SMC6: variants seen among roughly 807,000 people sequenced by gnomAD.
SMC6 encodes structural maintenance of chromosomes 6.
A neutral mutation model predicts 142.2 loss-of-function variants in SMC6; 79 were observed. The ratio of observed to expected loss-of-function variants is 0.56; its 90% CI spans 0.46 to 0.67. SMC6 has a LOEUF of 0.67. Among genes scored for constraint, SMC6 ranks in the 30% least tolerant of loss-of-function variants. The pLI is 0.00. For synonymous variants in SMC6, 411 were observed against 412.4 expected, an observed-to-expected ratio of 1.00 and a Z score of 0.04; for missense variants, 1,072 against 1,284.0, an observed-to-expected ratio of 0.83 and a Z score of 2.52.
intron 4 of SMC6, among the ~76,000 whole-genome samples, chr2:17,739,299 A>G (rs993015211): frequency 2.6e-5 from 4 of 151,634 alleles, no homozygotes; most frequent in East Asian, 3.9e-4. Context: ...ATCTGAGACC[A>G]GAGAGACCAG....
intron 25 of SMC6, among the ~76,000 whole-genome samples, chr2:17,672,431 A>T (rs1377695780): frequency 6.6e-6 from 1 of 151,964 alleles, no homozygotes; most frequent in East Asian, 1.9e-4. Flanking sequence ...TTTTTTCTCC[A>T]TTTTTTTATT....
intron 25 of SMC6, among the ~76,000 whole-genome samples, chr2:17,671,274 C>A (rs76881636): frequency 6.6e-6 from 1 of 151,876 alleles, no homozygotes; most frequent in Non-Finnish European, 1.5e-5. Flanking sequence ...GATTACTGAA[C>A]GTCAAAAGGA....
At chr2:17,694,395 T>G (rs997668162) in intron 23 of SMC6, among the ~76,000 whole-genome samples, 4 of 152,228 alleles carry the variant, frequency 2.6e-5, no homozygotes, top group African/African-American at 7.2e-5. Flanking sequence ...ATACTCTGAT[T>G]TGATCATTAC....
At chr2:17,701,490 C>T (rs960771444) in intron 20 of SMC6, among the ~76,000 whole-genome samples, 21 of 152,176 alleles carry the variant, frequency 1.4e-4, no homozygotes, top group African/African-American at 4.6e-4. Flanking sequence ...CATATTGATA[C>T]TGCTGAACTC....
intron 24 of SMC6, chr2:17,679,976 C>T (rs77008539): frequency 6.6e-6 from 1 of 152,290 alleles, no homozygotes; most frequent in African/African-American, 2.4e-5. Flanking sequence ...AATTCCCACA[C>T]TAGAAATCAC....
At chr2:17,703,121 A>C (rs773889707) in intron 19 of SMC6, 36 bp downstream of exon 19, 1 of 1,249,848 alleles carries the variant, frequency 8.0e-7, no homozygotes, top group Non-Finnish European at 1.1e-6. Context: ...TAAGTTGAAA[A>C]AAACAAAAGA....
intron 7 of SMC6, among the ~76,000 whole-genome samples, chr2:17,726,741 GA>G (rs1312414547): frequency 6.6e-6 from 1 of 152,150 alleles, no homozygotes; most frequent in East Asian, 1.9e-4. Flanking sequence ...AGAACCCTGT[GA>G]AAAAGTGTTT....
intron 25 of SMC6, among the ~76,000 whole-genome samples, chr2:17,672,647 T>G (rs967394670): frequency 6.6e-6 from 1 of 152,198 alleles, no homozygotes; most frequent in Non-Finnish European, 1.5e-5. Flanking sequence ...GTTTCTGAAC[T>G]TCATATGTAG....
At chr2:17,686,634 GT>G (rs1667467929) in intron 23 of SMC6, among the ~76,000 whole-genome samples, 1 of 152,126 alleles carries the variant, frequency 6.6e-6, no homozygotes, top group African/African-American at 2.4e-5. Flanking sequence ...TATTTATTCA[GT>G]GCCCCCAAGG....
intron 4 of SMC6, chr2:17,740,610 T>C (rs1670392690): frequency 3.0e-6 from 1 of 327,952 alleles, no homozygotes; most frequent in Non-Finnish European, 6.0e-6. Flanking sequence ...ATCCCAGCAC[T>C]CTGCGAAGCC....
chr2:17,748,936 G>C (rs986900321), intron 2 of SMC6, among the ~76,000 whole-genome samples: 9 of 152,178 alleles, frequency 5.9e-5, no homozygotes, highest in Admixed American at 5.9e-4. Context: ...ACGTGATGAC[G>C]ATGTTTTTTA....
At chr2:17,697,419 T>C (rs961584300) in intron 21 of SMC6, among the ~76,000 whole-genome samples, 2 of 151,928 alleles carry the variant, frequency 1.3e-5, no homozygotes, top group Admixed American at 1.3e-4. Flanking sequence ...CTAGGAATAA[T>C]TGAAAAATGA....
intron 23 of SMC6, among the ~76,000 whole-genome samples, chr2:17,690,778 C>T (rs1455978780): frequency 6.6e-6 from 1 of 151,674 alleles, no homozygotes; most frequent in Non-Finnish European, 1.5e-5. Context: ...GTAAGAGAAA[C>T]GTACATTAAA....
In SMC6 at chr2:17,709,776, A is replaced by G. The variant is rs145938223; in HGVS notation, c.1731-1023T>C. The stretch of plus-strand genomic sequence containing the variant: ...TTTTTTACACACACAAAAAAAGACG[A>G]GAAAAAGCCTCACTAAGGTAACACT... On this transcript the variant is annotated intron_variant, in intron 16 of 27. Transcript: ENST00000448223. Among the ~76,000 whole-genome samples the G allele has an allele frequency of 4.7e-3, 715 of 152,302 alleles. 9 individuals carry two copies. The highest frequency in any genetic ancestry group is 0.016 in the African/African-American group (671 of 41,552).
chr2:17,674,696 G>A (rs1172799968), intron 25 of SMC6, among the ~76,000 whole-genome samples: 1 of 151,930 alleles, frequency 6.6e-6, no homozygotes, highest in Non-Finnish European at 1.5e-5. Flanking sequence ...CAATTTTTAT[G>A]TATTTTGAAG....
intron 3 of SMC6, among the ~76,000 whole-genome samples, chr2:17,744,117 A>G (rs1670615014): frequency 6.6e-6 from 1 of 152,218 alleles, no homozygotes; most frequent in South Asian, 2.1e-4. Context: ...GCTGGACTGT[A>G]TGGTAAGAGG....
chr2:17,720,633 A>T (rs567497846), intron 11 of SMC6, among the ~76,000 whole-genome samples: 1 of 152,286 alleles, frequency 6.6e-6, no homozygotes, highest in African/African-American at 2.4e-5. Flanking sequence ...CTCCTTAATG[A>T]ACCAAAGAGT....
At chr2:17,725,612 G>C (rs1026102685) in intron 8 of SMC6, among the ~76,000 whole-genome samples, 2 of 151,870 alleles carry the variant, frequency 1.3e-5, no homozygotes, top group Admixed American at 1.3e-4. Context: ...AACACTTCAG[G>C]GTGTGGTAAT....
At chr2:17,693,905 C>T (rs1212186302) in intron 23 of SMC6, among the ~76,000 whole-genome samples, 1 of 144,454 alleles carries the variant, frequency 6.9e-6, no homozygotes, top group African/African-American at 2.6e-5. Context: ...GAGGCTGAGA[C>T]AGGAGAATCG....
Sources: gnomAD v4.1 joint callset for allele counts (sites outside exome capture counted in the v4.1 genomes callset) on GRCh38, gnomAD v4.1.1 for gene constraint, MANE v1.5 for transcripts, NCBI Gene and HGNC (gene_info 2026-07-23, HGNC 2026-07-21) for gene names.